ABCC11: variants seen among roughly 807,000 people sequenced by gnomAD.
ABCC11 encodes ATP-binding cassette sub-family C member 11.
In ABCC11, 135 loss-of-function variants were observed where a neutral mutation model predicts 149.3. The ratio of observed to expected loss-of-function variants is 0.90; its 90% confidence interval spans 0.79 to 1.04. ABCC11 has a LOEUF of 1.04. Ranked by LOEUF, ABCC11 falls within the 50% of genes least tolerant of loss-of-function variation. ABCC11 has a pLI of 0.00. For missense variants in ABCC11, 1,680 were observed against 1,722.1 expected (o/e 0.98, Z 0.43); for synonymous variants, 665 against 671.4 (o/e 0.99, Z 0.15).
chr16:48,207,536 G>A (rs191219910), intron 12 of ABCC11, among the ~76,000 whole-genome samples: 8 of 151,994 alleles, frequency 5.3e-5, no homozygotes, highest in Non-Finnish European at 8.8e-5. Flanking sequence ...GCATGGTGGC[G>A]CATGCCTGTA....
chr16:48,165,488 C>A (rs1395279413), downstream of ABCC11, among the ~76,000 whole-genome samples: 1 of 152,208 alleles, frequency 6.6e-6, no homozygotes, highest in Non-Finnish European at 1.5e-5. Flanking sequence ...GTTCTCTCTG[C>A]CTTGAACATT....
chr16:48,169,904 T>G (rs953450472), intron 28 of ABCC11, among the ~76,000 whole-genome samples: 2 of 152,112 alleles, frequency 1.3e-5, no homozygotes, highest in Non-Finnish European at 2.9e-5. Flanking sequence ...ACCCTAGAAC[T>G]TAAAGTATAA....
chr16:48,215,392 T>C, intron 7 of ABCC11, 48 bp from the exon 8 acceptor site: 1 of 1,594,722 alleles, frequency 6.3e-7, no homozygotes, highest in African/African-American at 1.3e-5. Context: ...AAGGGCTTCC[T>C]TTGACAAGGG....
At chr16:48,231,302 A>G (rs1970401067) in intron 2 of ABCC11, among the ~76,000 whole-genome samples, 4 of 152,284 alleles carry the variant, frequency 2.6e-5, no homozygotes, top group South Asian at 4.1e-4. Context: ...GATATGCATA[A>G]ACCATGAAGG....
Position 48,178,656 on chromosome 16 carries a change from TC to T in ABCC11, c.3288del (p.Ile1097LeufsTer12), listed in dbSNP as rs1215888777. The T allele has an allele frequency of 6.2e-7, 1 of 1,614,058 alleles. No homozygotes were observed. The highest frequency in any genetic ancestry group is 1.1e-5 in the South Asian group (1 of 91,072). The stretch of plus-strand genomic sequence containing the variant: ...AACTGTGCCTCTGTCTCCAAGCCAA[TC>T]CGGGCAGTGGCCTGGAAGCTGGACG... ...QLASSFQATA[R>X]IGLETEAQFT... On this transcript the variant is annotated frameshift_variant, in exon 24 of 30. Transcript: ENST00000356608. LOFTEE classifies it high-confidence loss of function.
intron 27 of ABCC11, 84 bp from the exon 28 acceptor site, chr16:48,170,302 A>T (rs1400747290): frequency 9.6e-7 from 1 of 1,043,060 alleles, no homozygotes; most frequent in Non-Finnish European, 1.5e-6. Flanking sequence ...CTTCCGCTGT[A>T]TTGGCAACAC....
chr16:48,227,776 T>C, intron 4 of ABCC11, 30 bp downstream of exon 4: 1 of 1,613,414 alleles, frequency 6.2e-7, no homozygotes, highest in Non-Finnish European at 8.5e-7. Flanking sequence ...TCTTTTAACC[T>C]ATCCACTGGT....
intron 12 of ABCC11, 136 bp from the exon 13 acceptor site, chr16:48,205,673 T>G: frequency 1.7e-6 from 2 of 1,204,676 alleles, no homozygotes; most frequent in East Asian, 5.3e-5. Context: ...GGACTTTTAA[T>G]GTGGCCCTAC....
In ABCC11 at chr16:48,203,312, A is replaced by G. The variant is rs764946358; in HGVS notation, c.1806-12T>C. 29 of 1,568,460 alleles carry G rather than the reference A, an allele frequency of 1.8e-5. No homozygotes were observed. The highest frequency in any genetic ancestry group is 2.4e-5 in the Non-Finnish European group (28 of 1,155,566). Reference sequence around the variant, plus strand: ...GCACCTGGAGGTATCTGTGAAGGACAGGGAGCCATAAGGCACAGGGGACCA... The same window carrying G: ...GCACCTGGAGGTATCTGTGAAGGACGGGGAGCCATAAGGCACAGGGGACCA... On this transcript the variant is annotated splice_polypyrimidine_tract_variant and intron_variant, in intron 13 of 29. Coordinates refer to ENST00000356608, the MANE Select transcript of ABCC11 (RefSeq NM_001370497.1).
Position 48,216,209 on chromosome 16 carries a change from C to A in ABCC11, c.856G>T (p.Ala286Ser), listed in dbSNP as rs200134154. 1.9e-6 allele frequency: 3 copies of A among 1,614,062 alleles called. No individual in the cohort carries two copies. Among genetic ancestry groups the A allele is most frequent in the African/African-American group, 1.3e-5 (1 of 75,028 alleles). ...GAAATGCTGCAGATGACCAGCGATG[C>A]GCAGGTGATCAGTACTAGGGGTCCA... ...CYGPLVLITC[A>S]SLVICSISSY... The change falls in exon 7 of 30, where the codon GCA becomes TCA. Residue 286 changes from alanine (A) to serine (S), a missense_variant. Coordinates refer to ENST00000356608, the MANE Select transcript of ABCC11 (RefSeq NM_001370497.1).
At chr16:48,175,616 G>C (rs936347192) in intron 25 of ABCC11, among the ~76,000 whole-genome samples, 199 bp from the exon 26 acceptor site, 13 of 152,218 alleles carry the variant, frequency 8.5e-5, no homozygotes, top group African/African-American at 3.1e-4. Context: ...TTACAGCCTA[G>C]ATCAGAGGGC....
intron 17 of ABCC11, among the ~76,000 whole-genome samples, chr16:48,196,704 G>A (rs933566882): frequency 4.6e-5 from 7 of 152,178 alleles, no homozygotes; most frequent in Non-Finnish European, 7.4e-5. Flanking sequence ...CCGAAAAAAC[G>A]GAAAGCCGAG....
At chr16:48,224,147 G>T in intron 5 of ABCC11, 135 bp downstream of exon 5, 2 of 1,207,722 alleles carry the variant, frequency 1.7e-6, no homozygotes, top group East Asian at 2.4e-5. Context: ...TCCTCAAAAG[G>T]TCTTCATTTT....
chr16:48,219,631 A>G (rs1484320686), intron 6 of ABCC11, among the ~76,000 whole-genome samples: 1 of 152,236 alleles, frequency 6.6e-6, no homozygotes, highest in East Asian at 1.9e-4. Context: ...ATTTTAGTGC[A>G]AGAGAAAGGA....
At chr16:48,177,325 G>T (rs1464595892) in intron 24 of ABCC11, among the ~76,000 whole-genome samples, 1 of 152,198 alleles carries the variant, frequency 6.6e-6, no homozygotes, top group Non-Finnish European at 1.5e-5. Context: ...TGAGAAACCT[G>T]CATAGCTAAT....
Position 48,167,260 on chromosome 16 carries a change from G to A in ABCC11, c.*14C>T, listed in dbSNP as rs768743360. ...GAGCTCAGCTGCCAGCCTCCATGAA[G>A]TCTCCACATCTCCTTATCTCAGTGA... On this transcript the variant is annotated 3_prime_UTR_variant, in exon 30 of 30. Transcript: ENST00000356608. 3 of 796,134 alleles carry A rather than the reference G, an allele frequency of 3.8e-6. No homozygotes were observed. Among genetic ancestry groups the A allele is most frequent in the Non-Finnish European group, 6.9e-6 (3 of 432,858 alleles). The allele number at this position is 796,134 out of a possible 1,614,324, so 49.3% of individuals were successfully genotyped here. A position where few individuals can be genotyped will look rare whatever the true frequency, so the allele number is the denominator to read the frequency against.
At chr16:48,221,946 C>T (rs984066240) in intron 6 of ABCC11, among the ~76,000 whole-genome samples, 5 of 150,794 alleles carry the variant, frequency 3.3e-5, no homozygotes, top group African/African-American at 1.2e-4. Flanking sequence ...CAGGCTGTCA[C>T]TCTGTTTCCC....
chr16:48,228,316 G>A (rs1452383110), intron 3 of ABCC11, among the ~76,000 whole-genome samples: 1 of 151,934 alleles, frequency 6.6e-6, no homozygotes, highest in Non-Finnish European at 1.5e-5. Flanking sequence ...AGTATTGGCT[G>A]GGCCCAGTGG....
At position 48,198,194 on chromosome 16, in the gene ABCC11, T is replaced by G; in HGVS notation, c.2164A>C (p.Lys722Gln). 1 of 1,614,248 alleles carries G rather than the reference T, an allele frequency of 6.2e-7. No individual in the cohort carries two copies. The highest frequency in any genetic ancestry group is 8.5e-7 in the Non-Finnish European group (1 of 1,180,036). The change falls in exon 16 of 30, where the codon AAA becomes CAA. Residue 722 changes from lysine (K) to glutamine (Q), a missense_variant. By Grantham distance (53) the Lys-to-Gln change is moderately conservative (BLOSUM62 1). Transcript: ENST00000356608. ...ENGTHSELMQ[K>Q]KGKYAQLIQK... ...ATAAGTTGGGCATATTTCCCCTTTT[T>G]CTGCATTAACTCACTGTGAGTTCCA...
Sources: gnomAD v4.1 joint callset for allele counts (sites outside exome capture counted in the v4.1 genomes callset) on GRCh38, gnomAD v4.1.1 for gene constraint, MANE v1.5 for transcripts, NCBI Gene and HGNC (gene_info 2026-07-23, HGNC 2026-07-21) for gene names.